DGAT2: variants seen among roughly 807,000 people sequenced by gnomAD.
The protein encoded by DGAT2 is diacylglycerol O-acyltransferase 2.
In DGAT2, 33 loss-of-function variants were observed where a neutral mutation model predicts 48.4. The observed-to-expected ratio is 0.68, with a 90% CI of 0.52 to 0.91. The LOEUF is 0.91. DGAT2 is among the 40% of genes least tolerant of loss of function. DGAT2 has a pLI of 0.00. For synonymous variants in DGAT2, 191 were observed against 194.1 expected (o/e 0.98, Z 0.13); for missense variants, 446 against 493.7 (o/e 0.90, Z 0.92).
intron 1 of DGAT2, among the ~76,000 whole-genome samples, chr11:75,772,518 C>G (rs7929403): frequency 0.051 from 7,835 of 152,228 alleles, 690 homozygotes; most frequent in African/African-American, 0.18. Context: ...GCTGGCTTTA[C>G]AACAGTCAAT....
chr11:75,784,258 G>C (rs1040589968), intron 1 of DGAT2: 1 of 170,906 alleles, frequency 5.9e-6, no homozygotes, highest in African/African-American at 2.4e-5. Flanking sequence ...TCAGATAAGG[G>C]ACAGGAGTTT....
intron 1 of DGAT2, among the ~76,000 whole-genome samples, chr11:75,779,254 A>G (rs1944835977): frequency 6.6e-6 from 1 of 152,146 alleles, no homozygotes; most frequent in Non-Finnish European, 1.5e-5. Flanking sequence ...TTTGAGCATG[A>G]TATGGGCAGA....
At chr11:75,794,526 G>A (rs1161069687) in intron 4 of DGAT2, 3 of 152,204 alleles carry the variant, frequency 2.0e-5, no homozygotes, top group African/African-American at 7.2e-5. Context: ...CAGATATGTG[G>A]ACAAAGATAA....
At chr11:75,784,067 G>A (rs1421242642) in intron 1 of DGAT2, among the ~76,000 whole-genome samples, 2 of 152,094 alleles carry the variant, frequency 1.3e-5, no homozygotes, top group African/African-American at 2.4e-5. Flanking sequence ...GGTGTTGGGG[G>A]TGGGGGCAAG....
chr11:75,783,452 A>T (rs915775478), intron 1 of DGAT2, among the ~76,000 whole-genome samples: 2 of 152,196 alleles, frequency 1.3e-5, no homozygotes, highest in African/African-American at 2.4e-5. Context: ...GCTTGAGTGT[A>T]GGCCCCTAAA....
Position 75,800,615 on chromosome 11 carries a change from T to C in DGAT2, c.*107T>C. 3.7e-6 allele frequency: 5 copies of C among 1,363,144 alleles called. No individual in the cohort carries two copies. The South Asian group carries it at 7.4e-5, about 20-fold the overall frequency. The allele number at this position is 1,363,144 out of a possible 1,614,324, so 84.4% of individuals were successfully genotyped here. ...TCTGTGGGTTATTTAAAAGAAATTA[T>C]AACAATTTTGCTAAACCATTACAAT... On this transcript the variant is annotated 3_prime_UTR_variant, in exon 8 of 8. Coordinates refer to ENST00000228027, the MANE Select transcript of DGAT2 (RefSeq NM_032564.5).
chr11:75,797,553 C>T (rs1182411329), intron 6 of DGAT2, among the ~76,000 whole-genome samples: 2 of 152,168 alleles, frequency 1.3e-5, no homozygotes, highest in Non-Finnish European at 2.9e-5. Context: ...GCCTGTGGGC[C>T]CTTGCAGGTG....
At chr11:75,797,421 AC>A (rs1026295773) in intron 6 of DGAT2, 89 bp downstream of exon 6, 2 of 1,311,480 alleles carry the variant, frequency 1.5e-6, no homozygotes, top group African/African-American at 3.0e-5. Flanking sequence ...CAGGACCCAG[AC>A]CCCAGGAAGG....
intron 1 of DGAT2, among the ~76,000 whole-genome samples, chr11:75,780,042 G>A (rs1280953996): frequency 8.5e-5 from 13 of 152,236 alleles, no homozygotes; most frequent in Admixed American, 8.5e-4. Flanking sequence ...CAGTGGGATG[G>A]CCAAGTAAAG....
chr11:75,799,556 A>C (rs922775735), intron 7 of DGAT2, among the ~76,000 whole-genome samples: 1 of 152,124 alleles, frequency 6.6e-6, no homozygotes, highest in Non-Finnish European at 1.5e-5. Context: ...AAAGCAACGC[A>C]CAGATCATAA....
At chr11:75,800,330 G>A (rs1229595846) in intron 7 of DGAT2, 24 bp from the exon 8 acceptor site, 1 of 1,611,188 alleles carries the variant, frequency 6.2e-7, no homozygotes, top group Non-Finnish European at 8.5e-7. Context: ...TGACTAACCA[G>A]AAGCCTCTGC....
In DGAT2 at chr11:75,782,159, C is replaced by T. The variant is rs143532905; in HGVS notation, c.122-2459C>T. Among the ~76,000 whole-genome samples, 997 of 152,240 alleles carry T rather than the reference C, an allele frequency of 6.5e-3. 16 individuals are homozygous for T. The highest frequency in any genetic ancestry group is 0.021 in the African/African-American group (871 of 41,546). On this transcript the variant is annotated intron_variant, in intron 1 of 7. Transcript: ENST00000228027. ...AGAAGGCATGCTTTGCCTTTTTTTCCTGCCAAATAGAAGGTGGTGTTCCCC... is the reference window on the plus strand; with the variant it reads ...AGAAGGCATGCTTTGCCTTTTTTTCTTGCCAAATAGAAGGTGGTGTTCCCC...
intron 1 of DGAT2, among the ~76,000 whole-genome samples, chr11:75,775,521 A>G (rs1273229202): frequency 2.0e-5 from 3 of 152,218 alleles, no homozygotes; most frequent in Non-Finnish European, 4.4e-5. Flanking sequence ...GACCAGTTCT[A>G]TAGCTAGCTA....
At chr11:75,796,666 C>T in intron 5 of DGAT2, 134 bp downstream of exon 5, 1 of 893,346 alleles carries the variant, frequency 1.1e-6, no homozygotes, top group South Asian at 1.7e-5. Context: ...CAACCTGCTT[C>T]AGACATGGTG....
At position 75,768,837 on chromosome 11, in the gene DGAT2, C is replaced by G; in HGVS notation, c.-155C>G. 1 of 1,003,932 alleles carries G rather than the reference C, an allele frequency of 1.0e-6. No homozygotes were observed. The highest frequency in any genetic ancestry group is 4.3e-5 in the Admixed American group (1 of 23,476). The allele number at this position is 1,003,932 out of a possible 1,614,324, so 62.2% of individuals were successfully genotyped here. ...TTTCTCTCGCGCCACCACTGGCCGC[C>G]GGCCGCAGCTCCAGGTGTCCTAGCC... is the stretch of plus-strand genomic sequence containing the variant. On this transcript the variant is annotated 5_prime_UTR_variant, in exon 1 of 8. Transcript: ENST00000228027.
intron 1 of DGAT2, among the ~76,000 whole-genome samples, chr11:75,778,169 A>T (rs775796205): frequency 6.6e-6 from 1 of 151,906 alleles, no homozygotes; most frequent in African/African-American, 2.4e-5. Context: ...CTTTATTCTC[A>T]GCTTCTATTT....
chr11:75,798,268 T>C lies in DGAT2; in HGVS notation c.851T>C (p.Val284Ala). 1.9e-6 allele frequency: 3 copies of C among 1,614,136 alleles called. No individual in the cohort carries two copies. Among genetic ancestry groups the C allele is most frequent in the African/African-American group, 1.3e-5 (1 of 75,022 alleles). ...VPIYSFGENE[V>A]YKQVIFEEGS... ...ATCTACTCCTTTGGAGAGAATGAAG[T>C]GTACAAGCAGGTGATCTTCGAGGAG... The change falls in exon 7 of 8, where the codon GTG (valine) becomes GCG (alanine). Residue 284 changes from valine to alanine, a missense_variant. Coordinates refer to ENST00000228027, the MANE Select transcript of DGAT2 (RefSeq NM_032564.5).
intron 2 of DGAT2, among the ~76,000 whole-genome samples, chr11:75,785,931 T>C (rs1944918134): frequency 6.6e-6 from 1 of 152,210 alleles, no homozygotes; most frequent in South Asian, 2.1e-4. Context: ...TAGCAGAAAC[T>C]CAGTGCATTC....
Position 75,797,201 on chromosome 11 carries a change from A to C in DGAT2, c.678A>C (p.Ser226=), listed in dbSNP as rs779036331. The C allele has an allele frequency of 3.1e-5, 48 of 1,559,836 alleles. No individual in the cohort carries two copies. Among genetic ancestry groups the C allele is most frequent in the Non-Finnish European group, 3.8e-5 (44 of 1,151,334 alleles). The change falls in exon 6 of 8, where the codon TCA becomes TCC. Residue 226 remains serine (S), a synonymous_variant. Transcript: ENST00000228027. ...GGGACACCATAGACTATTTGCTTTC[A>C]AAGAATGGGAGTGGCAATGCTATCA... ...VSRDTIDYLL[S]KNGSGNAIII... is the part of the protein sequence containing the mutation.
Sources: gnomAD v4.1 joint callset for allele counts (sites outside exome capture counted in the v4.1 genomes callset) on GRCh38, gnomAD v4.1.1 for gene constraint, MANE v1.5 for transcripts, NCBI Gene and HGNC (gene_info 2026-07-23, HGNC 2026-07-21) for gene names.